NUAK1: variants seen among roughly 807,000 people sequenced by gnomAD.
NUAK1 encodes the protein NUAK family kinase 1.
Under a neutral mutation model 56.9 loss-of-function variants are expected in NUAK1, and 26 were observed. The ratio of observed to expected loss-of-function variants is 0.46; its 90% CI spans 0.33 to 0.63. NUAK1 has a LOEUF of 0.63. Ranked by LOEUF, NUAK1 falls within the 30% of genes least tolerant of loss-of-function variation. The pLI is 0.02. For missense variants in NUAK1, 727 were observed against 876.1 expected (o/e 0.83, Z 2.15); for synonymous variants, 337 against 336.0 (o/e 1.00, Z -0.03).
rs139749869 is a variant in NUAK1, at chr12:106,066,997, G to C, written c.1791C>G (p.Arg597=). The C allele has an allele frequency of 2.3e-4, 375 of 1,614,274 alleles. 3 individuals are homozygous for C. The East Asian group carries it at 8.2e-3, about 35-fold the overall frequency. ...DLQENRPARQ[R]IRSCVSAENF... ...TTTCTGCAGAGACGCAGCTGCGGAT[G>C]CGCTGGCGGGCAGGGCGATTCTCCT... Residue 597 remains arginine (R), a synonymous_variant, in exon 7 of 7, where the codon CGC becomes CGG. Transcript: ENST00000261402.
intron 1 of NUAK1, among the ~76,000 whole-genome samples, chr12:106,128,134 C>CTT (rs1399268734): frequency 3.7e-5 from 5 of 136,704 alleles, no homozygotes; most frequent in African/African-American, 1.5e-4. Flanking sequence ...TTTTCTTTTT[C>CTT]TTTTTTTTTT....
intron 1 of NUAK1, among the ~76,000 whole-genome samples, chr12:106,130,271 C>G (rs555745695): frequency 6.6e-6 from 1 of 152,312 alleles, no homozygotes; most frequent in South Asian, 2.1e-4. Context: ...CGTGAACCAC[C>G]GTGCCCAGCC....
Position 106,138,577 on chromosome 12 carries a change from G to A in NUAK1, c.77C>T (p.Ala26Val). ...GLGAPGSPRE[A>V]VAGATAALEP... ...CAGGGCTGCAGTCGCCCCCGCCACC[G>A]CCTCTCGGGGAGAGCCCGGCGCCCC... Residue 26 changes from alanine to valine, a missense_variant, in exon 1 of 7, where the codon GCG becomes GTG. Physicochemically the swap from Ala to Val is moderately conservative, Grantham distance 64. Transcript: ENST00000261402. The surrounding 1 kb of genome is among the most constrained non-coding windows in gnomAD (Gnocchi z 5.0). 2.5e-6 allele frequency: 4 copies of A among 1,600,062 alleles called. No homozygotes were observed. Among genetic ancestry groups the A allele is most frequent in the Non-Finnish European group, 3.4e-6 (4 of 1,177,884 alleles).
chr12:106,113,025 A>G (rs1232504131), intron 1 of NUAK1, among the ~76,000 whole-genome samples: 1 of 152,234 alleles, frequency 6.6e-6, no homozygotes, highest in African/African-American at 2.4e-5. Flanking sequence ...TAAAAAACAA[A>G]GCAGATTCGT....
intron 4 of NUAK1, among the ~76,000 whole-genome samples, chr12:106,076,214 C>T (rs899817415): frequency 1.3e-5 from 2 of 152,198 alleles, no homozygotes; most frequent in African/African-American, 4.8e-5. Flanking sequence ...CTGCCCCTCG[C>T]TCTAAAAGTG....
chr12:106,106,892 T>C (rs2032808579), intron 1 of NUAK1, among the ~76,000 whole-genome samples: 1 of 152,158 alleles, frequency 6.6e-6, no homozygotes, highest in South Asian at 2.1e-4. Flanking sequence ...AGGGTACTGA[T>C]GATTAAACAT....
rs1021203370 is a variant in NUAK1, at chr12:106,112,386, C to T, written c.241-5861G>A. Among the ~76,000 whole-genome samples, 3 of 151,766 alleles carry T rather than the reference C, an allele frequency of 2.0e-5. No homozygotes were observed. The South Asian group carries it at 6.2e-4, about 31-fold the overall frequency. Reference sequence around the variant, plus strand: ...GGCTGGAGGCTGTAAAGTGCTCCTGCTCTTGCCTGGGAGATGCACAGAGTG... The same window carrying T: ...GGCTGGAGGCTGTAAAGTGCTCCTGTTCTTGCCTGGGAGATGCACAGAGTG... On this transcript the variant is annotated intron_variant, in intron 1 of 6. Transcript: ENST00000261402.
chr12:106,134,108 G>A (rs12302615), intron 1 of NUAK1, among the ~76,000 whole-genome samples: 6,288 of 152,250 alleles, frequency 0.041, 139 homozygotes, highest in African/African-American at 0.058. Context: ...ATCCAGCTCC[G>A]TCATTCAAGA....
intron 1 of NUAK1, among the ~76,000 whole-genome samples, chr12:106,125,532 T>A (rs1022201860): frequency 2.0e-5 from 3 of 152,074 alleles, no homozygotes; most frequent in Non-Finnish European, 4.4e-5. Context: ...ATAATACAGG[T>A]TCAAAGGCGA....
rs1223760914 is a variant in NUAK1 at position 106,066,923 on chromosome 12, G to T, written c.1865C>A (p.Pro622His). The T allele has an allele frequency of 6.2e-7, 1 of 1,614,030 alleles. No homozygotes were observed. The change falls in exon 7 of 7, where the codon CCC becomes CAC. Residue 622 changes from proline (P) to histidine (H), a missense_variant. Physicochemically the swap from Pro to His is moderately conservative, Grantham distance 77 (BLOSUM62 -2). Transcript: ENST00000261402. ...DFEGLQNRPR[P>H]QYLKRYRNRL... Reference sequence around the variant, plus strand: ...GTTCCGGTACCGCTTCAGGTACTGGGGCCGGGGCCGGTTCTGGAGCCCCTC... The same window carrying T: ...GTTCCGGTACCGCTTCAGGTACTGGTGCCGGGGCCGGTTCTGGAGCCCCTC...
chr12:106,067,501 G>A lies in NUAK1; in HGVS notation c.1287C>T (p.Phe429=). 5.0e-6 allele frequency: 8 copies of A among 1,614,180 alleles called. No individual in the cohort carries two copies. The highest frequency in any genetic ancestry group is 6.8e-6 in the Non-Finnish European group (8 of 1,180,046). Reference sequence around the variant, plus strand: ...TCCTGCACAAGTCCTGCTCCATCTTGAAAGTAGAGGGTAAGGCAGGACCAA... The same window carrying A: ...TCCTGCACAAGTCCTGCTCCATCTTAAAAGTAGAGGGTAAGGCAGGACCAA... ...GVVGPALPST[F]KMEQDLCRTG... is the part of the protein sequence containing the mutation. Residue 429 remains phenylalanine, a synonymous_variant, in exon 7 of 7, where the codon TTC becomes TTT. Coordinates refer to ENST00000261402, the MANE Select transcript of NUAK1 (RefSeq NM_014840.3). The surrounding 1 kb of genome is among the most constrained non-coding windows in gnomAD (Gnocchi z 6.0).
chr12:106,116,269 G>T (rs985341253), intron 1 of NUAK1, among the ~76,000 whole-genome samples: 1 of 152,134 alleles, frequency 6.6e-6, no homozygotes, highest in African/African-American at 2.4e-5. Flanking sequence ...CCAGCCATCT[G>T]CCGCTGAGCC....
chr12:106,081,895 A>G (rs2136460493), intron 4 of NUAK1, among the ~76,000 whole-genome samples: 1 of 152,256 alleles, frequency 6.6e-6, no homozygotes, highest in African/African-American at 2.4e-5. Flanking sequence ...GGAAGTCAAT[A>G]AGGTTGATGA....
chr12:106,089,613 C>A (rs1157017983), intron 2 of NUAK1, among the ~76,000 whole-genome samples: 1 of 152,108 alleles, frequency 6.6e-6, no homozygotes, highest in East Asian at 1.9e-4. Context: ...CATGGTGAAA[C>A]CCCATCTCCA....
chr12:106,133,873 C>G (rs1434444778), intron 1 of NUAK1, among the ~76,000 whole-genome samples: 1 of 152,192 alleles, frequency 6.6e-6, no homozygotes, highest in Non-Finnish European at 1.5e-5. Flanking sequence ...AGGCTGGAAG[C>G]TCCCTGGGTC....
chr12:106,094,532 GC>G (rs1483269706), intron 2 of NUAK1, among the ~76,000 whole-genome samples: 1 of 152,230 alleles, frequency 6.6e-6, no homozygotes, highest in African/African-American at 2.4e-5. Context: ...GGATCTGAAA[GC>G]CCAGAGCAGT....
chr12:106,068,731 A>G (rs2032371070), intron 6 of NUAK1, among the ~76,000 whole-genome samples: 1 of 152,240 alleles, frequency 6.6e-6, no homozygotes, highest in South Asian at 2.1e-4. Context: ...GGCCACAGGA[A>G]CCAACTGACT....
At position 106,138,558 on chromosome 12, in the gene NUAK1, T is replaced by C; in HGVS notation, c.96A>G (p.Ala32=). ...SPREAVAGAT[A]ALEPRKPHGV... is the part of the protein sequence containing the mutation. ...CGTGCGGCTTCCTGGGCTCCAGGGC[T>C]GCAGTCGCCCCCGCCACCGCCTCTC... is the stretch of plus-strand genomic sequence containing the variant. The change falls in exon 1 of 7, where the codon GCA becomes GCG. Residue 32 remains alanine (A), a synonymous_variant. Coordinates refer to ENST00000261402, the MANE Select transcript of NUAK1 (RefSeq NM_014840.3). The surrounding 1 kb of genome is among the most constrained non-coding windows in gnomAD (Gnocchi z 5.0). The C allele has an allele frequency of 6.2e-7, 1 of 1,608,134 alleles. No homozygotes were observed. The highest frequency in any genetic ancestry group is 1.7e-4 in the Middle Eastern group (1 of 5,876).
intron 1 of NUAK1, among the ~76,000 whole-genome samples, chr12:106,128,425 C>A (rs2033045746): frequency 6.6e-6 from 1 of 152,178 alleles, no homozygotes; most frequent in Non-Finnish European, 1.5e-5. Context: ...AGCCACCACT[C>A]CCGCTTCCCT....
Sources: gnomAD v4.1 joint callset for allele counts (sites outside exome capture counted in the v4.1 genomes callset) on GRCh38, gnomAD v4.1.1 for gene constraint, Gnocchi (gnomAD v3.1) non-coding constraint, MANE v1.5 for transcripts, NCBI Gene and HGNC (gene_info 2026-07-23, HGNC 2026-07-21) for gene names.